ISL1: variants seen among roughly 807,000 people sequenced by gnomAD.
ISL1 encodes insulin gene enhancer protein ISL-1.
ISL1 carries 4 observed loss-of-function variants against 35.3 expected under a neutral mutation model. That is an observed-to-expected ratio of 0.11 (90% CI 0.06 to 0.26). The LOEUF (loss-of-function observed/expected upper bound fraction) is 0.26. ISL1 is among the 10% of genes least tolerant of loss of function. The pLI, the probability that ISL1 is intolerant of heterozygous loss-of-function variation, is 1.00. For synonymous variants in ISL1, 186 were observed against 172.3 expected, an observed-to-expected ratio of 1.08 and a Z score of -0.62; for missense variants, 340 against 472.8, an observed-to-expected ratio of 0.72 and a Z score of 2.60.
chr5:51,390,062 C>G, intron 4 of ISL1, 130 bp downstream of exon 4: 1 of 1,117,308 alleles, frequency 9.0e-7, no homozygotes, highest in Non-Finnish European at 1.3e-6. Flanking sequence ...CGGGGCTGCC[C>G]CTCATCCTTA....
intron 5 of ISL1, among the ~76,000 whole-genome samples, chr5:51,392,336 T>G (rs776078761): frequency 7.2e-5 from 11 of 152,228 alleles, no homozygotes; most frequent in Non-Finnish European, 1.3e-4. Context: ...TAATCAGCCT[T>G]ATAGAATCTT....
chr5:51,393,452 C>T (rs372110336), intron 5 of ISL1, 42 bp from the exon 6 acceptor site: 101 of 1,049,402 alleles, frequency 9.6e-5, no homozygotes, highest in Non-Finnish European at 1.2e-4. Flanking sequence ...TTTATGAATA[C>T]TATTCCAGTG....
At chr5:51,388,845 C>A (rs893370782) in intron 3 of ISL1, among the ~76,000 whole-genome samples, 5 of 152,160 alleles carry the variant, frequency 3.3e-5, no homozygotes, top group Admixed American at 3.3e-4. Flanking sequence ...ACAGAGGAAG[C>A]TAAAATACCG....
Position 51,389,536 on chromosome 5 carries a change from A to G in ISL1, c.479-110A>G. 2.1e-6 allele frequency: 2 copies of G among 959,590 alleles called. No homozygotes were observed. Among genetic ancestry groups the G allele is most frequent in the Non-Finnish European group, 2.7e-6 (2 of 732,370 alleles). 59.4% of individuals were successfully genotyped at this position (959,590 alleles called of 1,614,324 possible). A position where few individuals can be genotyped will look rare whatever the true frequency, so the allele number is the denominator to read the frequency against. On this transcript the variant is annotated intron_variant, in intron 3 of 5. Coordinates refer to ENST00000230658, the MANE Select transcript of ISL1 (RefSeq NM_002202.3). This position sits in a 1 kb window ranked among gnomAD's most constrained non-coding sequence, Gnocchi z 5.0. ...CCTGAGTATCTCGGGCGGGCGAGCA[A>G]GTAAGCGGGCGGGCGGGCGGGCAAG...
In ISL1 at chr5:51,387,664, A is replaced by C. The variant is rs760898587; in HGVS notation, c.393A>C (p.Ala131=). ...ALREDGLFCR[A]DHDVVERASL... ...GGGAGGACGGTCTCTTCTGCCGAGC[A>C]GACCACGATGTGGTGGAGAGGGCCA... Residue 131 remains alanine (A), a synonymous_variant, in exon 3 of 6, where the codon GCA becomes GCC. Transcript: ENST00000230658. This position sits in a 1 kb window ranked among gnomAD's most constrained non-coding sequence, Gnocchi z 4.3. 1 of 1,614,220 alleles carries C rather than the reference A, an allele frequency of 6.2e-7. No homozygotes were observed. The highest frequency in any genetic ancestry group is 1.1e-5 in the South Asian group (1 of 91,082).
intron 2 of ISL1, chr5:51,386,561 TC>T (rs1561206537): frequency 2.2e-6 from 1 of 455,988 alleles, no homozygotes. Flanking sequence ...CTTCTGTTAT[TC>T]CTGAAAGATG....
At position 51,391,452 on chromosome 5, in the gene ISL1, G is replaced by A. The variant is rs376904475; in HGVS notation, c.933+11G>A. On this transcript the variant is annotated intron_variant, in intron 5 of 5. Coordinates refer to ENST00000230658, the MANE Select transcript of ISL1 (RefSeq NM_002202.3). ...GCTTTTCAGCAACTGGTAAGTGTCA[G>A]CTCCCAGATGGAAGAGGCTGAATTC... 1 of 1,613,970 alleles carries A rather than the reference G, an allele frequency of 6.2e-7. No homozygotes were observed. Among genetic ancestry groups the A allele is most frequent in the Middle Eastern group, 1.6e-4 (1 of 6,062 alleles).
rs942980721 is a variant in ISL1, at chr5:51,387,212, C to T, written c.219-278C>T. On this transcript the variant is annotated intron_variant, in intron 2 of 5. Coordinates refer to ENST00000230658, the MANE Select transcript of ISL1 (RefSeq NM_002202.3). The surrounding 1 kb of genome is among the most constrained non-coding windows in gnomAD (Gnocchi z 4.3). ...CTAGGTGTTTTGAGCTAAGAGTTACCAACTAAGACAGAGGTTCATCGGAAA... is the reference window on the plus strand; with the variant it reads ...CTAGGTGTTTTGAGCTAAGAGTTACTAACTAAGACAGAGGTTCATCGGAAA... 3.3e-5 allele frequency among the ~76,000 whole-genome samples: 5 copies of T among 151,612 alleles called. No homozygotes were observed. The highest frequency in any genetic ancestry group is 2.6e-4 in the Admixed American group (4 of 15,222).
chr5:51,389,761 C>T lies in ISL1; in HGVS notation c.594C>T (p.Thr198=). Residue 198 remains threonine (T), a synonymous_variant, in exon 4 of 6, where the codon ACC becomes ACT. Transcript: ENST00000230658. This position sits in a 1 kb window ranked among gnomAD's most constrained non-coding sequence, Gnocchi z 5.0. ...LNEKQLHTLR[T]CYAANPRPDA... is the part of the protein sequence containing the mutation. ...AGAAGCAGCTGCACACCTTGCGGAC[C>T]TGCTACGCCGCAAACCCGCGGCCAG... 2 of 1,614,194 alleles carry T rather than the reference C, an allele frequency of 1.2e-6. No individual in the cohort carries two copies. Among genetic ancestry groups the T allele is most frequent in the Non-Finnish European group, 1.7e-6 (2 of 1,180,032 alleles).
rs752110698 is a variant in ISL1, at chr5:51,387,472, C to T, written c.219-18C>T. On this transcript the variant is annotated intron_variant, in intron 2 of 5. Coordinates refer to ENST00000230658, the MANE Select transcript of ISL1 (RefSeq NM_002202.3). The surrounding 1 kb of genome is among the most constrained non-coding windows in gnomAD (Gnocchi z 4.3). ...CTCCCCGCTCTGGGCCGCCTCCGCT[C>T]CCCCCTCCCCCGCACAGGTTGTACG... The T allele has an allele frequency of 6.2e-7, 1 of 1,612,462 alleles. No individual in the cohort carries two copies. Among genetic ancestry groups the T allele is most frequent in the Non-Finnish European group, 8.5e-7 (1 of 1,178,914 alleles).
At chr5:51,391,942 A>T (rs1273823038) in intron 5 of ISL1, among the ~76,000 whole-genome samples, 1 of 152,264 alleles carries the variant, frequency 6.6e-6, no homozygotes, top group East Asian at 1.9e-4. Flanking sequence ...ATCAATAAAC[A>T]GCAGGCATGT....
Position 51,394,585 on chromosome 5 carries a change from G to T in ISL1, c.*975G>T, listed in dbSNP as rs1452857464. On this transcript the variant is annotated 3_prime_UTR_variant, in exon 6 of 6. Transcript: ENST00000230658. ...GCTGAAGTGAAAAAAAAAGATAAAG[G>T]TTGTACGGTGGTCTTTGAATTATAT... 1 of 152,354 alleles carries T rather than the reference G, an allele frequency of 6.6e-6. No homozygotes were observed. Among genetic ancestry groups the T allele is most frequent in the East Asian group, 1.9e-4 (1 of 5,188 alleles). 9.4% of individuals were successfully genotyped at this position (152,354 alleles called of 1,614,324 possible).
chr5:51,383,522 C>G lies in ISL1; in HGVS notation c.-150C>G. 1.3e-6 allele frequency: 1 copy of G among 749,564 alleles called. No homozygotes were observed. Among genetic ancestry groups the G allele is most frequent in the South Asian group, 1.5e-5 (1 of 68,664 alleles). 46.4% of individuals were successfully genotyped at this position (749,564 alleles called of 1,614,324 possible). ...AATTGGACTCCTAGATCCGCGAGGG[C>G]GCGGCGCAGCCGAGCAGCGGCTCTT... On this transcript the variant is annotated 5_prime_UTR_variant, in exon 1 of 6. Transcript: ENST00000230658.
intron 2 of ISL1, chr5:51,386,557 T>C: frequency 2.2e-6 from 1 of 455,838 alleles, no homozygotes; most frequent in Non-Finnish European, 4.4e-6. Context: ...CCAGCTTCTG[T>C]TATTCCTGAA....
At chr5:51,390,636 C>CTTTTTTTTTTTTT (rs1216503548) in intron 4 of ISL1, among the ~76,000 whole-genome samples, 1 of 74,326 alleles carries the variant, frequency 1.3e-5, no homozygotes, top group African/African-American at 4.2e-5. Context: ...TCTTTTCTTT[C>CTTTTTTTTTTTTT]TTTTTCTTTT....
At chr5:51,393,452 C>A in intron 5 of ISL1, 42 bp from the exon 6 acceptor site, 1 of 1,049,402 alleles carries the variant, frequency 9.5e-7, no homozygotes, top group Non-Finnish European at 1.5e-6. Context: ...TTTATGAATA[C>A]TATTCCAGTG....
intron 2 of ISL1, 55 bp downstream of exon 2, chr5:51,384,785 C>A (rs1747303251): frequency 6.7e-7 from 1 of 1,482,008 alleles, no homozygotes; most frequent in Non-Finnish European, 9.4e-7. Context: ...AATCTCCCCA[C>A]TCTTTATGTA....
At chr5:51,391,623 C>CT (rs142139345) in intron 5 of ISL1, 182 bp downstream of exon 5, 59,428 of 452,194 alleles carry the variant, frequency 0.13, 5 homozygotes, top group South Asian at 0.19. Flanking sequence ...CTCTTGGCAT[C>CT]TTTTTTTTTT....
At chr5:51,392,016 C>A (rs1217876415) in intron 5 of ISL1, among the ~76,000 whole-genome samples, 1 of 152,136 alleles carries the variant, frequency 6.6e-6, no homozygotes, top group Non-Finnish European at 1.5e-5. Context: ...CTTTTTGTTA[C>A]AGTATCCCTT....
Sources: allele counts gnomAD v4.1 joint callset (sites outside exome capture counted in the v4.1 genomes callset), GRCh38; gene constraint gnomAD v4.1.1; non-coding constraint Gnocchi (gnomAD v3.1); transcripts MANE v1.5; gene names NCBI Gene and HGNC (gene_info 2026-07-23, HGNC 2026-07-21).